Variants in CLMN observed in about 807,000 individuals in gnomAD.
CLMN encodes the protein calmin (calponin-like, transmembrane).
CLMN carries 57 observed loss-of-function variants against 92.7 expected under a neutral mutation model. The ratio of observed to expected loss-of-function variants is 0.61; its 90% CI spans 0.50 to 0.77. The LOEUF is 0.77. CLMN is among the 30% of genes least tolerant of loss of function. The pLI, the probability that CLMN is intolerant of heterozygous loss-of-function variation, is 0.00. For missense variants in CLMN, 1,158 were observed against 1,237.5 expected, an observed-to-expected ratio of 0.94 and a Z score of 0.96; for synonymous variants, 466 against 470.6, an observed-to-expected ratio of 0.99 and a Z score of 0.13.
In CLMN at chr14:95,186,523, A is replaced by G. The variant is rs1232323374; in HGVS notation, c.*5041T>C. 6.6e-6 allele frequency: 1 copy of G among 152,224 alleles called. No individual in the cohort carries two copies. Among genetic ancestry groups the G allele is most frequent in the Non-Finnish European group, 1.5e-5 (1 of 68,048 alleles). The allele number at this position is 152,224 out of a possible 1,614,324, so 9.4% of individuals were successfully genotyped here. A position where few individuals can be genotyped will look rare whatever the true frequency, so the allele number is the denominator to read the frequency against. ...AGGCAATGTTGGCCACGTTCAACAG[A>G]GAATCCGCGCTGTTTGTTTGCTGGC... is the stretch of plus-strand genomic sequence containing the variant. On this transcript the variant is annotated 3_prime_UTR_variant, in exon 13 of 13. Transcript: ENST00000298912.
intron 1 of CLMN, among the ~76,000 whole-genome samples, chr14:95,309,245 C>T (rs918627062): frequency 1.3e-5 from 2 of 152,238 alleles, no homozygotes; most frequent in East Asian, 3.9e-4. Context: ...TGTCTATAAA[C>T]CCATATTTTA....
rs1368748738 is a variant in CLMN, at chr14:95,259,959, A to G, written c.83-29826T>C. Among the ~76,000 whole-genome samples the G allele has an allele frequency of 6.6e-6, 1 of 151,988 alleles. No homozygotes were observed. Among genetic ancestry groups the G allele is most frequent in the Non-Finnish European group, 1.5e-5 (1 of 68,012 alleles). On this transcript the variant is annotated intron_variant, in intron 1 of 12. Coordinates refer to ENST00000298912, the MANE Select transcript of CLMN (RefSeq NM_024734.4). This position sits in a 1 kb window ranked among gnomAD's most constrained non-coding sequence, Gnocchi z 4.3. Reference sequence around the variant, plus strand: ...CTGCTGTCTGGCACTCTCTCCCTGCACTTCTCCACCTGCTCGTCAAATTCC... The same window carrying G: ...CTGCTGTCTGGCACTCTCTCCCTGCGCTTCTCCACCTGCTCGTCAAATTCC...
In CLMN at chr14:95,204,354, C is replaced by T; in HGVS notation, c.995G>A (p.Gly332Glu). ...ESKVFVLTEN[G>E]ERTYTVNHET... ...ATGGTTAACAGTGTAGGTACGCTCCCCATTTTCAGTCAGAACGAAGACTTT... is the reference window on the plus strand; with the variant it reads ...ATGGTTAACAGTGTAGGTACGCTCCTCATTTTCAGTCAGAACGAAGACTTT... Residue 332 changes from glycine to glutamate, a missense_variant, in exon 9 of 13, where the codon GGG becomes GAG. By Grantham distance (98) the Gly-to-Glu change is moderately conservative. Transcript: ENST00000298912. The T allele has an allele frequency of 1.2e-6, 2 of 1,614,074 alleles. No homozygotes were observed. Among genetic ancestry groups the T allele is most frequent in the Non-Finnish European group, 1.7e-6 (2 of 1,179,992 alleles).
chr14:95,242,250 CTTTTTTTTTTTTT>C (rs371417505), intron 1 of CLMN, among the ~76,000 whole-genome samples: 5 of 92,596 alleles, frequency 5.4e-5, no homozygotes, highest in South Asian at 9.2e-4. Context: ...TTTTCTTTTT[CTTTTTTTTTTTTT>C]TTTTTTTTTT....
chr14:95,193,134 G>C, intron 12 of CLMN: 2 of 551,110 alleles, frequency 3.6e-6, no homozygotes, highest in South Asian at 4.9e-5. Flanking sequence ...TCTGTGGCGA[G>C]TAAATAAAAT....
intron 1 of CLMN, among the ~76,000 whole-genome samples, chr14:95,247,340 G>A (rs1326520141): frequency 6.6e-6 from 1 of 152,212 alleles, no homozygotes; most frequent in Non-Finnish European, 1.5e-5. Context: ...ACACATGCTT[G>A]GCCAAGGCTC....
chr14:95,254,065 G>A (rs1386387817), intron 1 of CLMN, among the ~76,000 whole-genome samples: 4 of 152,138 alleles, frequency 2.6e-5, no homozygotes, highest in Non-Finnish European at 5.9e-5. Flanking sequence ...AAAGGGCCTG[G>A]GGTCCCCTCC....
chr14:95,194,076 A>T lies in CLMN; in HGVS notation c.2770-157T>A. ...TAGATCCAAAATCAAAGTGCTAAAC[A>T]ATATACATTCCTCTACCTCCTCCCC... is the stretch of plus-strand genomic sequence containing the variant. On this transcript the variant is annotated intron_variant, in intron 11 of 12. Transcript: ENST00000298912. This position sits in a 1 kb window ranked among gnomAD's most constrained non-coding sequence, Gnocchi z 4.0. 2 of 1,448,786 alleles carry T rather than the reference A, an allele frequency of 1.4e-6. No individual in the cohort carries two copies. Among genetic ancestry groups the T allele is most frequent in the Non-Finnish European group, 1.8e-6 (2 of 1,107,378 alleles). 89.7% of individuals were successfully genotyped at this position (1,448,786 alleles called of 1,614,324 possible).
At chr14:95,257,517 T>G (rs567646202) in intron 1 of CLMN, among the ~76,000 whole-genome samples, 27 of 152,354 alleles carry the variant, frequency 1.8e-4, no homozygotes, top group African/African-American at 6.5e-4. Context: ...TAACTTGTAT[T>G]ATTTAAGGGC....
intron 1 of CLMN, among the ~76,000 whole-genome samples, chr14:95,300,011 T>G (rs1213477623): frequency 6.6e-6 from 1 of 152,238 alleles, no homozygotes; most frequent in Non-Finnish European, 1.5e-5. Context: ...GAACCTATCC[T>G]GCGGAAATTT....
chr14:95,276,264 C>T (rs1899922566), intron 1 of CLMN, among the ~76,000 whole-genome samples: 1 of 152,168 alleles, frequency 6.6e-6, no homozygotes, highest in South Asian at 2.1e-4. Context: ...GCTGGGACTC[C>T]TAAGACCATA....
rs1049397405 is a variant in CLMN, at chr14:95,186,975, T to C, written c.*4589A>G. The C allele has an allele frequency of 2.6e-5, 4 of 152,132 alleles. No homozygotes were observed. Among genetic ancestry groups the C allele is most frequent in the African/African-American group, 9.7e-5 (4 of 41,402 alleles). The allele number at this position is 152,132 out of a possible 1,614,324, so 9.4% of individuals were successfully genotyped here. A position where few individuals can be genotyped will look rare whatever the true frequency, so the allele number is the denominator to read the frequency against. On this transcript the variant is annotated 3_prime_UTR_variant, in exon 13 of 13. Coordinates refer to ENST00000298912, the MANE Select transcript of CLMN (RefSeq NM_024734.4). ...GAGATCTAAGATCATTTACTGACAA[T>C]AGGCAGCAAAACCAGGGGGAAGGAA...
chr14:95,194,401 A>G lies in CLMN; in HGVS notation c.2769+135T>C. ...GACTGTGCTTAATGATAAGGTTCCAATCTGCTTGTCTTCTATCCAAAAGTA... is the reference window on the plus strand; with the variant it reads ...GACTGTGCTTAATGATAAGGTTCCAGTCTGCTTGTCTTCTATCCAAAAGTA... On this transcript the variant is annotated intron_variant, in intron 11 of 12. Coordinates refer to ENST00000298912, the MANE Select transcript of CLMN (RefSeq NM_024734.4). This position sits in a 1 kb window ranked among gnomAD's most constrained non-coding sequence, Gnocchi z 4.0. 1 of 1,529,850 alleles carries G rather than the reference A, an allele frequency of 6.5e-7. No individual in the cohort carries two copies. The highest frequency in any genetic ancestry group is 8.8e-7 in the Non-Finnish European group (1 of 1,137,124). The allele number at this position is 1,529,850 out of a possible 1,614,324, so 94.8% of individuals were successfully genotyped here.
chr14:95,254,627 C>T (rs1314834818), intron 1 of CLMN, among the ~76,000 whole-genome samples: 1 of 152,192 alleles, frequency 6.6e-6, no homozygotes, highest in African/African-American at 2.4e-5. Context: ...TTCTCCCCCA[C>T]CCTCCCACAA....
intron 1 of CLMN, among the ~76,000 whole-genome samples, chr14:95,298,738 C>T (rs1035235063): frequency 1.3e-5 from 2 of 152,142 alleles, no homozygotes; most frequent in Admixed American, 6.5e-5. Flanking sequence ...CAGAAGTGAC[C>T]GTGAAATGGA....
intron 2 of CLMN, among the ~76,000 whole-genome samples, chr14:95,227,636 G>A (rs1315554443): frequency 6.6e-6 from 1 of 152,218 alleles, no homozygotes; most frequent in Non-Finnish European, 1.5e-5. Flanking sequence ...AGCAAACAGG[G>A]CCTTGGCCGG....
At chr14:95,232,534 C>T (rs1325026190) in intron 1 of CLMN, among the ~76,000 whole-genome samples, 2 of 152,322 alleles carry the variant, frequency 1.3e-5, no homozygotes, top group South Asian at 2.1e-4. Flanking sequence ...ACAGTAATTA[C>T]GTACATCACT....
intron 1 of CLMN, among the ~76,000 whole-genome samples, chr14:95,307,117 A>C (rs1015077771): frequency 1.3e-5 from 2 of 152,204 alleles, no homozygotes; most frequent in Non-Finnish European, 2.9e-5. Flanking sequence ...ATGTTCTAGC[A>C]ACCAGGAGAA....
intron 5 of CLMN, among the ~76,000 whole-genome samples, chr14:95,213,722 C>T (rs904231920): frequency 1.6e-4 from 24 of 152,130 alleles, no homozygotes; most frequent in African/African-American, 5.8e-4. Flanking sequence ...CGCCCCTTTC[C>T]TCTCACCGCC....
Sources: gnomAD v4.1 joint callset for allele counts (sites outside exome capture counted in the v4.1 genomes callset) on GRCh38, gnomAD v4.1.1 for gene constraint, Gnocchi (gnomAD v3.1) non-coding constraint, MANE v1.5 for transcripts, NCBI Gene and HGNC (gene_info 2026-07-23, HGNC 2026-07-21) for gene names.